AGMO: variants seen among roughly 807,000 people sequenced by gnomAD.
AGMO encodes the protein alkylglycerol monooxygenase.
Under a neutral mutation model 60.2 loss-of-function variants are expected in AGMO, and 75 were observed. The observed-to-expected ratio is 1.25, with a 90% CI of 1.03 to 1.51. The LOEUF (loss-of-function observed/expected upper bound fraction) is 1.51, where lower values mean the gene tolerates loss of function less well. AGMO is among the 40% of genes most tolerant of loss of function. AGMO has a pLI of 0.00. For missense variants in AGMO, 763 were observed against 525.5 expected, an observed-to-expected ratio of 1.45 and a Z score of -4.42; for synonymous variants, 261 against 177.1, an observed-to-expected ratio of 1.47 and a Z score of -3.76.
intron 5 of AGMO, among the ~76,000 whole-genome samples, chr7:15,395,852 T>G (rs899552586): frequency 2.6e-5 from 4 of 152,218 alleles, no homozygotes; most frequent in African/African-American, 9.7e-5. Context: ...TGACAACCTC[T>G]GGCATTAAAA....
the AGMO span, among the ~76,000 whole-genome samples, chr7:15,173,559 G>T: frequency 6.6e-6 from 1 of 151,410 alleles, no homozygotes; most frequent in Non-Finnish European, 1.5e-5. Context: ...AAATTAACAG[G>T]GCAAAGAAAT....
intron 10 of AGMO, among the ~76,000 whole-genome samples, chr7:15,385,081 T>G (rs7805596): frequency 0.13 from 19,725 of 152,174 alleles, 3,210 homozygotes; most frequent in African/African-American, 0.39. Context: ...ATTCTCTAAG[T>G]GAAGGTAAGT....
At chr7:15,527,284 G>A (rs547418975) in intron 3 of AGMO, among the ~76,000 whole-genome samples, 1 of 152,270 alleles carries the variant, frequency 6.6e-6, no homozygotes, top group African/African-American at 2.4e-5. Context: ...AAAAGTTCTA[G>A]TCCAGTGAAC....
intron 12 of AGMO, among the ~76,000 whole-genome samples, chr7:15,315,318 T>C (rs182077613): frequency 5.6e-5 from 8 of 143,910 alleles, no homozygotes. Context: ...AAAACTTACA[T>C]GGATATTTGC....
chr7:15,129,141 C>T, the AGMO span, among the ~76,000 whole-genome samples: 1 of 152,004 alleles, frequency 6.6e-6, no homozygotes, highest in Non-Finnish European at 1.5e-5. Flanking sequence ...GAGCTGAAGT[C>T]TTGGACCAAG....
At chr7:15,411,073 G>C (rs535094674) in intron 5 of AGMO, among the ~76,000 whole-genome samples, 3 of 151,928 alleles carry the variant, frequency 2.0e-5, no homozygotes, top group African/African-American at 7.2e-5. Context: ...TACCTAAATG[G>C]GGAGTGAGTT....
At chr7:15,556,219 G>GTTTTTTTTTTTTTTTTTTTTTTTTTTTT (rs71004394) in intron 2 of AGMO, among the ~76,000 whole-genome samples, 1 of 91,506 alleles carries the variant, frequency 1.1e-5, no homozygotes. Flanking sequence ...CTCCTTTTTA[G>GTTTTTTTTTTTTTTTTTTTTTTTTTTTT]TTTTTTTTTT....
At chr7:15,475,218 T>A (rs1207424845) in intron 3 of AGMO, among the ~76,000 whole-genome samples, 1 of 152,204 alleles carries the variant, frequency 6.6e-6, no homozygotes, top group Non-Finnish European at 1.5e-5. Context: ...TTATAAATCA[T>A]TCTACTATAA....
intron 3 of AGMO, among the ~76,000 whole-genome samples, chr7:15,450,782 C>T (rs1450829005): frequency 6.6e-6 from 1 of 152,066 alleles, no homozygotes; most frequent in Non-Finnish European, 1.5e-5. Context: ...ACTGAAAGGC[C>T]TATTGCTGAC....
rs1486239982 is a variant in AGMO, at chr7:15,322,705, AATATATATAAATATATAAAT to A, written c.1263+42789_1263+42808del. 4.3e-4 allele frequency among the ~76,000 whole-genome samples: 19 copies of A among 43,842 alleles called. 5 individuals carry two copies. Among genetic ancestry groups the A allele is most frequent in the African/African-American group, 1.7e-3 (12 of 7,138 alleles). The allele number at this position is 43,842 out of a possible 152,430, so 28.8% of individuals were successfully genotyped here. ...ATATATAAATATATGAATATGTATA[AATATATATAAATATATAAAT>A]ATATATATAAATATATAAATATATA... On this transcript the variant is annotated intron_variant, in intron 12 of 12. Transcript: ENST00000342526.
At chr7:15,342,831 TTATGACTATA>T (rs1781907875) in intron 12 of AGMO, among the ~76,000 whole-genome samples, 1 of 141,420 alleles carries the variant, frequency 7.1e-6, no homozygotes, top group African/African-American at 2.6e-5. Flanking sequence ...CCTCTACAAC[TTATGACTATA>T]TGACATTGGA....
chr7:15,446,148 G>A (rs148794338), intron 3 of AGMO, among the ~76,000 whole-genome samples: 172 of 152,276 alleles, frequency 1.1e-3, no homozygotes, highest in African/African-American at 4.0e-3. Context: ...TAAGGCCCAT[G>A]TAGAACAGTC....
intron 12 of AGMO, among the ~76,000 whole-genome samples, chr7:15,268,524 G>A (rs1272480991): frequency 2.0e-5 from 3 of 151,882 alleles, no homozygotes; most frequent in Non-Finnish European, 2.9e-5. Flanking sequence ...TAGTTGTGAA[G>A]GAGTCTGGAA....
At chr7:15,200,177 G>C (rs535367009), downstream of AGMO, 2 of 135,274 alleles carry the variant, frequency 1.5e-5, no homozygotes, top group East Asian at 4.3e-4. Flanking sequence ...AGAAATATTG[G>C]ATAAATGAAA....
intron 12 of AGMO, among the ~76,000 whole-genome samples, chr7:15,312,016 A>T (rs1414845889): frequency 6.6e-6 from 1 of 152,122 alleles, no homozygotes; most frequent in African/African-American, 2.4e-5. Flanking sequence ...AGCTGTTATG[A>T]AACTCTCCAA....
chr7:15,162,625 T>C, the AGMO span, among the ~76,000 whole-genome samples: 1 of 152,014 alleles, frequency 6.6e-6, no homozygotes, highest in South Asian at 2.1e-4. Context: ...GCCCAGGAGG[T>C]TGAGGCTACA....
In AGMO at chr7:15,262,364, A is replaced by C. The variant is rs150585180; in HGVS notation, c.1264-61005T>G. 5.3e-4 allele frequency among the ~76,000 whole-genome samples: 81 copies of C among 152,156 alleles called. 1 individual carries two copies. Among genetic ancestry groups the C allele is most frequent in the East Asian group, 4.1e-3 (21 of 5,180 alleles). ...ACAAAGCTGAGATATTAATAACTCA[A>C]CCCCATTTACAATAACTGCATAAAT... On this transcript the variant is annotated intron_variant, in intron 12 of 12. Transcript: ENST00000342526.
At chr7:15,361,001 C>T (rs545443600) in intron 12 of AGMO, among the ~76,000 whole-genome samples, 1 of 152,248 alleles carries the variant, frequency 6.6e-6, no homozygotes, top group East Asian at 1.9e-4. Context: ...CTTAGTGATG[C>T]CAGCCAGCTA....
the AGMO span, among the ~76,000 whole-genome samples, chr7:15,119,334 T>A: frequency 6.6e-6 from 1 of 152,078 alleles, no homozygotes; most frequent in African/African-American, 2.4e-5. Context: ...CCTGCAGAAC[T>A]GTGAGCCAAT....
Sources: gnomAD v4.1 joint callset for allele counts (sites outside exome capture counted in the v4.1 genomes callset) on GRCh38, gnomAD v4.1.1 for gene constraint, MANE v1.5 for transcripts, NCBI Gene and HGNC (gene_info 2026-07-23, HGNC 2026-07-21) for gene names.